Variants in MACF1 observed in about 807,000 individuals in gnomAD.
MACF1 encodes microtubule-actin cross-linking factor 1.
In MACF1, 193 loss-of-function variants were observed where a neutral mutation model predicts 854.8. That is an observed-to-expected ratio of 0.23 (90% CI 0.20 to 0.25). MACF1 has a LOEUF of 0.25. MACF1 is among the 10% of genes least tolerant of loss of function. MACF1 has a pLI of 1.00. For synonymous variants in MACF1, 3,185 were observed against 3,226.7 expected, an observed-to-expected ratio of 0.99 and a Z score of 0.44; for missense variants, 7,722 against 8,929.1, an observed-to-expected ratio of 0.86 and a Z score of 5.45.
chr1:39,458,709 A>C, intron 90 of MACF1: 1 of 595,432 alleles, frequency 1.7e-6, no homozygotes, highest in Non-Finnish European at 2.8e-6. Context: ...CGAGGTGGTT[A>C]AGCTTATTTT....
intron 72 of MACF1, among the ~76,000 whole-genome samples, chr1:39,439,937 A>G (rs1404055383): frequency 2.0e-5 from 3 of 152,068 alleles, no homozygotes; most frequent in Admixed American, 1.3e-4. Flanking sequence ...ACATTCTCCA[A>G]TTGAAAAAAA....
At chr1:39,480,417 C>T (rs1416895623) in intron 98 of MACF1, among the ~76,000 whole-genome samples, 1 of 152,116 alleles carries the variant, frequency 6.6e-6, no homozygotes, top group Admixed American at 6.6e-5. Flanking sequence ...TGAAGACCAG[C>T]GTGGGCAACA....
In MACF1 at chr1:39,331,515, A is replaced by C. The variant is rs1261191349; in HGVS notation, c.4927A>C (p.Ile1643Leu). The change falls in exon 37 of 101, where the codon ATC becomes CTC. Residue 1643 changes from isoleucine (I) to leucine (L), a missense_variant. By Grantham distance (5) the Ile-to-Leu change is conservative. This residue lies in a region of MACF1 where 1,531 missense variants were observed against 1,601.6 expected (regional missense o/e 0.96). Transcript: ENST00000564288. Reference sequence around the variant, plus strand: ...GGTGGAAGCAATTGAAAAGAGAATAATCAGTGAGACAGTTGGACTGAAAAT... The same window carrying C: ...GGTGGAAGCAATTGAAAAGAGAATACTCAGTGAGACAGTTGGACTGAAAAT... ...SVVEAIEKRI[I>L]SETVGLKILE... 1 of 1,614,128 alleles carries C rather than the reference A, an allele frequency of 6.2e-7. No homozygotes were observed. The highest frequency in any genetic ancestry group is 1.7e-5 in the Admixed American group (1 of 60,014).
Position 39,452,283 on chromosome 1 carries a change from C to T in MACF1, c.20546C>T (p.Thr6849Ile), listed in dbSNP as rs1316378416. ...AAAGGACAGCTCCAGGAACTGAGCA[C>T]TCGCTGGGACACTGTCTGTAAACTC... Reference protein sequence around the residue: ...WVKGQLQELSTRWDTVCKLSV... With the variant: ...WVKGQLQELSIRWDTVCKLSV... Residue 6849 changes from threonine to isoleucine, a missense_variant, in exon 86 of 101, where the codon ACT becomes ATT. Physicochemically the swap from Thr to Ile is moderately conservative, Grantham distance 89. Around this residue, in one of 15 missense-constraint regions of MACF1, gnomAD observed 729 missense variants for 900.5 expected, o/e 0.81. Transcript: ENST00000564288. 1.9e-6 allele frequency: 3 copies of T among 1,614,100 alleles called. No individual in the cohort carries two copies. The highest frequency in any genetic ancestry group is 2.5e-6 in the Non-Finnish European group (3 of 1,180,048).
intron 2 of MACF1, among the ~76,000 whole-genome samples, chr1:39,131,623 G>A (rs1339731195): frequency 1.3e-5 from 2 of 152,146 alleles, no homozygotes; most frequent in African/African-American, 2.4e-5. Flanking sequence ...AGCTCAAAGT[G>A]TCTATAAATG....
At chr1:39,451,263 A>G in intron 85 of MACF1, 52 bp downstream of exon 85, 2 of 1,563,722 alleles carry the variant, frequency 1.3e-6, no homozygotes, top group Non-Finnish European at 1.7e-6. Context: ...TCTGTATATG[A>G]CTGCCTAGGG....
At chr1:39,476,747 T>G (rs983040025) in intron 97 of MACF1, among the ~76,000 whole-genome samples, 1 of 151,990 alleles carries the variant, frequency 6.6e-6, no homozygotes, top group East Asian at 1.9e-4. Context: ...TAGCAGCTAG[T>G]TAAAATTTTG....
chr1:39,265,742 C>G (rs1438336023), intron 6 of MACF1, among the ~76,000 whole-genome samples: 1 of 152,174 alleles, frequency 6.6e-6, no homozygotes, highest in Non-Finnish European at 1.5e-5. Context: ...GAAAAATAAG[C>G]TGGACCATTT....
Position 39,319,742 on chromosome 1 carries a change from G to T in MACF1, c.4024G>T (p.Val1342Leu). 6.2e-7 allele frequency: 1 copy of T among 1,609,688 alleles called. No homozygotes were observed. Among genetic ancestry groups the T allele is most frequent in the African/African-American group, 1.3e-5 (1 of 74,852 alleles). ...QKFSQQYSTI[V>L]KDYELQLMTY... Reference sequence around the variant, plus strand: ...ATTTTCCCAGCAGTACTCTACTATTGTAAAGGTAACTTTACCACATCCCAA... The same window carrying T: ...ATTTTCCCAGCAGTACTCTACTATTTTAAAGGTAACTTTACCACATCCCAA... Residue 1342 changes from valine (V) to leucine (L), a missense_variant, in exon 31 of 101, where the codon GTA (valine) becomes TTA (leucine). By Grantham distance (32) the Val-to-Leu change is conservative (BLOSUM62 1). Coordinates refer to ENST00000564288, the MANE Select transcript of MACF1 (RefSeq NM_001394062.1).
chr1:39,393,267 A>G (rs1274793638), intron 58 of MACF1, among the ~76,000 whole-genome samples: 1 of 144,892 alleles, frequency 6.9e-6, no homozygotes, highest in African/African-American at 2.6e-5. Context: ...TCATTTTGAA[A>G]TTCCCTACGT....
At chr1:39,392,436 A>G (rs918356280) in intron 58 of MACF1, among the ~76,000 whole-genome samples, 2 of 152,222 alleles carry the variant, frequency 1.3e-5, no homozygotes, top group African/African-American at 4.8e-5. Flanking sequence ...CTCTGTTTTC[A>G]GATTCAAATT....
rs868609498 is a variant in MACF1, at chr1:39,387,738, G to A, written c.14896G>A (p.Ala4966Thr). Residue 4966 changes from alanine to threonine, a missense_variant, in exon 58 of 101, where the codon GCT becomes ACT. Around this residue, in one of 15 missense-constraint regions of MACF1, gnomAD observed 2,807 missense variants for 3,235.8 expected, o/e 0.87. Coordinates refer to ENST00000564288, the MANE Select transcript of MACF1 (RefSeq NM_001394062.1). ...RSLLEILNSA[A>T]DILINSSEAD... ...CCTGCTGGAAATATTGAATAGTGCT[G>A]CTGACATTCTGATCAATTCTTCAGA... 6.2e-7 allele frequency: 1 copy of A among 1,614,138 alleles called. No homozygotes were observed. The highest frequency in any genetic ancestry group is 8.5e-7 in the Non-Finnish European group (1 of 1,180,016).
In MACF1 at chr1:39,460,593, A is replaced by T; in HGVS notation, c.21361-39A>T. ...TGCTCTGGGCAGCTTTTGAGGGCCC[A>T]AAAAATAAATCTTATTGACACTTCT... On this transcript the variant is annotated intron_variant, in intron 91 of 100. Transcript: ENST00000564288. This position sits in a 1 kb window ranked among gnomAD's most constrained non-coding sequence, Gnocchi z 4.1. 6.2e-7 allele frequency: 1 copy of T among 1,607,486 alleles called. No homozygotes were observed.
At chr1:39,260,635 G>A in intron 6 of MACF1, 1 of 152,088 alleles carries the variant, frequency 6.6e-6, no homozygotes, top group South Asian at 2.1e-4. Context: ...TGGGATTACA[G>A]GCGTGAGCCA....
chr1:39,451,310 G>A, intron 85 of MACF1, 99 bp downstream of exon 85: 2 of 1,191,280 alleles, frequency 1.7e-6, no homozygotes, highest in South Asian at 3.8e-5. Flanking sequence ...TTCTTTCTAG[G>A]GGAGAAAGAG....
chr1:39,323,772 T>C (rs1459026347), intron 33 of MACF1, among the ~76,000 whole-genome samples: 7 of 152,338 alleles, frequency 4.6e-5, no homozygotes, highest in Middle Eastern at 3.4e-3. Flanking sequence ...CATCTTTTGC[T>C]TTTTAAATTA....
intron 38 of MACF1, among the ~76,000 whole-genome samples, chr1:39,339,973 G>A (rs1167229634): frequency 6.6e-6 from 1 of 152,148 alleles, no homozygotes; most frequent in Non-Finnish European, 1.5e-5. Context: ...CTTATTTCCG[G>A]CTTATCTGTT....
At chr1:39,314,548 TTCTCTC>T (rs147825623) in intron 26 of MACF1, among the ~76,000 whole-genome samples, 3 of 126,388 alleles carry the variant, frequency 2.4e-5, no homozygotes, top group Admixed American at 8.2e-5. Flanking sequence ...CAATTTCTCT[TTCTCTC>T]TCTCTCTCTC....
At chr1:39,219,198 T>C (rs941123165) in intron 1 of MACF1, among the ~76,000 whole-genome samples, 2 of 152,266 alleles carry the variant, frequency 1.3e-5, no homozygotes, top group Non-Finnish European at 2.9e-5. Flanking sequence ...TGGTGATAAA[T>C]GCCTTTCATG....
Sources: allele counts gnomAD v4.1 joint callset (sites outside exome capture counted in the v4.1 genomes callset), GRCh38; gene constraint gnomAD v4.1.1; regional missense constraint gnomAD v4.1.1; non-coding constraint Gnocchi (gnomAD v3.1); transcripts MANE v1.5; gene names NCBI Gene and HGNC (gene_info 2026-07-23, HGNC 2026-07-21).